Variants in KSR2 observed in about 807,000 individuals in gnomAD.
The protein encoded by KSR2 is kinase suppressor of ras 2.
In KSR2, 25 loss-of-function variants were observed where a neutral mutation model predicts 107.8. That is an observed-to-expected ratio of 0.23 (90% CI 0.17 to 0.32). The LOEUF (loss-of-function observed/expected upper bound fraction) is 0.32, where lower values mean the gene tolerates loss of function less well. Among genes scored for constraint, KSR2 ranks in the 10% least tolerant of loss-of-function variants. The pLI, the probability that KSR2 is intolerant of heterozygous loss-of-function variation, is 1.00. For missense variants in KSR2, 887 were observed against 1,268.9 expected (o/e 0.70, Z 4.57); for synonymous variants, 480 against 507.0 (o/e 0.95, Z 0.71).
chr12:117,853,915 T>C (rs1202100546), intron 3 of KSR2, among the ~76,000 whole-genome samples: 1 of 152,148 alleles, frequency 6.6e-6, no homozygotes, highest in African/African-American at 2.4e-5. Flanking sequence ...AGTTGGGGGA[T>C]GTTACTGGTA....
At chr12:117,637,890 C>T (rs1159820435) in intron 5 of KSR2, among the ~76,000 whole-genome samples, 1 of 151,684 alleles carries the variant, frequency 6.6e-6, no homozygotes, top group East Asian at 1.9e-4. Context: ...AGAAGAATGT[C>T]CAAGAATGCC....
chr12:117,755,120 G>A (rs1641156354), intron 4 of KSR2, among the ~76,000 whole-genome samples: 1 of 152,228 alleles, frequency 6.6e-6, no homozygotes, highest in African/African-American at 2.4e-5. Context: ...TCACAGAAGA[G>A]AGGGCAAAGG....
chr12:117,487,820 C>A (rs888543033), intron 14 of KSR2, among the ~76,000 whole-genome samples: 13 of 152,178 alleles, frequency 8.5e-5, no homozygotes, highest in Admixed American at 4.6e-4. Flanking sequence ...CTGCTGAAGT[C>A]TTTGCTTCTC....
At chr12:117,744,858 T>C (rs1446027486) in intron 4 of KSR2, among the ~76,000 whole-genome samples, 1 of 152,198 alleles carries the variant, frequency 6.6e-6, no homozygotes, top group Non-Finnish European at 1.5e-5. Context: ...TAACTGATCA[T>C]TCCCCTGCAA....
At chr12:117,731,041 G>A (rs1369769458) in intron 4 of KSR2, among the ~76,000 whole-genome samples, 1 of 151,518 alleles carries the variant, frequency 6.6e-6, no homozygotes, top group Non-Finnish European at 1.5e-5. Flanking sequence ...CTTCCCGGCC[G>A]CCATCCCGTC....
At chr12:117,965,067 T>G (rs1566103292) in intron 1 of KSR2, among the ~76,000 whole-genome samples, 1 of 152,196 alleles carries the variant, frequency 6.6e-6, no homozygotes, top group Non-Finnish European at 1.5e-5. Context: ...CGGGCTCCCT[T>G]GCAGCTAGGA....
At chr12:117,824,969 C>T (rs1566033947) in intron 3 of KSR2, among the ~76,000 whole-genome samples, 1 of 151,868 alleles carries the variant, frequency 6.6e-6, no homozygotes. Flanking sequence ...CACTTGAGGT[C>T]AGGAGTCTGA....
chr12:117,546,382 C>CA (rs1876866233), intron 9 of KSR2, among the ~76,000 whole-genome samples: 1 of 152,146 alleles, frequency 6.6e-6, no homozygotes, highest in Non-Finnish European at 1.5e-5. Flanking sequence ...TCTGTTGTTG[C>CA]TTTCAAGATG....
At chr12:117,750,224 T>C (rs1005557898) in intron 4 of KSR2, among the ~76,000 whole-genome samples, 4 of 142,102 alleles carry the variant, frequency 2.8e-5, no homozygotes. Context: ...CACTCCAGCC[T>C]GGGTGACAGA....
At chr12:117,670,403 T>C (rs1307114277) in intron 4 of KSR2, among the ~76,000 whole-genome samples, 3 of 152,052 alleles carry the variant, frequency 2.0e-5, no homozygotes, top group Admixed American at 6.5e-5. Context: ...ACCAAAGCAA[T>C]GAGAAGATAA....
intron 4 of KSR2, among the ~76,000 whole-genome samples, chr12:117,740,727 A>G (rs1444709996): frequency 1.3e-5 from 2 of 150,170 alleles, no homozygotes; most frequent in Non-Finnish European, 3.0e-5. Context: ...ATTGATAAGC[A>G]TTTGGGCTGG....
At chr12:117,754,191 A>G (rs1427455340) in intron 4 of KSR2, among the ~76,000 whole-genome samples, 1 of 152,162 alleles carries the variant, frequency 6.6e-6, no homozygotes, top group Non-Finnish European at 1.5e-5. Context: ...GATGACAGAC[A>G]TGCTATGGCC....
intron 5 of KSR2, among the ~76,000 whole-genome samples, chr12:117,612,229 C>A (rs928768279): frequency 6.6e-6 from 1 of 151,968 alleles, no homozygotes; most frequent in African/African-American, 2.4e-5. Context: ...CATGGTGAAA[C>A]CTCGTTTCTA....
chr12:117,648,158 T>C (rs947246596), intron 5 of KSR2, among the ~76,000 whole-genome samples: 5 of 152,168 alleles, frequency 3.3e-5, no homozygotes, highest in African/African-American at 1.2e-4. Context: ...TTTACTCCAT[T>C]GCCAATATTT....
At chr12:117,766,852 G>C (rs1294308112) in intron 3 of KSR2, among the ~76,000 whole-genome samples, 1 of 138,370 alleles carries the variant, frequency 7.2e-6, no homozygotes, top group South Asian at 2.7e-4. Flanking sequence ...ACTGCCAGTC[G>C]TTCAGTATGG....
At chr12:117,529,208 A>T (rs919384737) in intron 12 of KSR2, among the ~76,000 whole-genome samples, 7 of 152,106 alleles carry the variant, frequency 4.6e-5, no homozygotes, top group African/African-American at 1.7e-4. Context: ...TAAGGAGGTG[A>T]CTTTGTGACA....
At chr12:117,552,677 T>C (rs1240337217) in intron 9 of KSR2, among the ~76,000 whole-genome samples, 1 of 152,220 alleles carries the variant, frequency 6.6e-6, no homozygotes. Flanking sequence ...TCAGAAAACC[T>C]TTTCTGTAAA....
At chr12:117,934,268 G>A (rs1007280466) in intron 1 of KSR2, among the ~76,000 whole-genome samples, 1 of 152,052 alleles carries the variant, frequency 6.6e-6, no homozygotes, top group Non-Finnish European at 1.5e-5. Context: ...TCGCTCCCTG[G>A]CTCCAGAACT....
intron 17 of KSR2, among the ~76,000 whole-genome samples, chr12:117,476,142 G>T (rs1871760457): frequency 6.6e-6 from 1 of 152,244 alleles, no homozygotes; most frequent in African/African-American, 2.4e-5. Flanking sequence ...TAGTAATAAT[G>T]AAGACAACAC....
Sources: gnomAD v4.1 joint callset for allele counts (sites outside exome capture counted in the v4.1 genomes callset) on GRCh38, gnomAD v4.1.1 for gene constraint, MANE v1.5 for transcripts, NCBI Gene and HGNC (gene_info 2026-07-23, HGNC 2026-07-21) for gene names.